The following TTC28 variants were observed in gnomAD, a reference collection of about 807,000 sequenced individuals.
The protein encoded by TTC28 is tetratricopeptide repeat domain 28.
In TTC28, 61 loss-of-function variants were observed where a neutral mutation model predicts 198.0. That is an observed-to-expected ratio of 0.31 (90% confidence interval 0.25 to 0.38). The LOEUF is 0.38. Ranked by LOEUF, TTC28 falls within the 10% of genes least tolerant of loss-of-function variation. The probability of loss-of-function intolerance (pLI) is 1.00; values close to 1 mark genes in which losing one functional copy is unlikely to be tolerated. For synonymous variants in TTC28, 1,171 were observed against 1,297.8 expected, an observed-to-expected ratio of 0.90 and a Z score of 2.10; for missense variants, 2,678 against 3,164.0, an observed-to-expected ratio of 0.85 and a Z score of 3.69.
intron 2 of TTC28, among the ~76,000 whole-genome samples, chr22:28,391,275 T>C (rs947986679): frequency 6.6e-5 from 10 of 152,192 alleles, no homozygotes; most frequent in Admixed American, 2.6e-4. Context: ...GTCCTTAACA[T>C]TTTTTCCTTC....
At chr22:28,115,876 G>A (rs1014009689) in intron 6 of TTC28, among the ~76,000 whole-genome samples, 1 of 152,092 alleles carries the variant, frequency 6.6e-6, no homozygotes, top group African/African-American at 2.4e-5. Context: ...CAACTCTGAG[G>A]AGCCTGCTAT....
chr22:28,072,131 G>C (rs1374377526), intron 12 of TTC28, among the ~76,000 whole-genome samples: 1 of 152,210 alleles, frequency 6.6e-6, no homozygotes, highest in Non-Finnish European at 1.5e-5. Context: ...ATAGGAAAAG[G>C]CTAGAGAAAT....
chr22:28,493,342 C>T (rs1195981079), intron 2 of TTC28, among the ~76,000 whole-genome samples: 2 of 151,884 alleles, frequency 1.3e-5, no homozygotes, highest in East Asian at 1.9e-4. Context: ...GGCGACAGAG[C>T]GAGACTGAGT....
intron 3 of TTC28, among the ~76,000 whole-genome samples, chr22:28,300,440 C>A (rs1485697949): frequency 6.6e-6 from 1 of 151,900 alleles, no homozygotes; most frequent in Non-Finnish European, 1.5e-5. Flanking sequence ...CACAGAAATA[C>A]GTGGAAGATT....
chr22:28,346,673 C>T (rs959500297), intron 2 of TTC28, among the ~76,000 whole-genome samples: 1 of 152,140 alleles, frequency 6.6e-6, no homozygotes. Flanking sequence ...CCTTGGTGTA[C>T]ATTTAATAGA....
At chr22:28,180,852 C>T (rs1252840346) in intron 5 of TTC28, among the ~76,000 whole-genome samples, 1 of 152,172 alleles carries the variant, frequency 6.6e-6, no homozygotes, top group Non-Finnish European at 1.5e-5. Context: ...CTTTAATGGT[C>T]TTAAATTATT....
chr22:28,108,004 G>A lies in TTC28; in HGVS notation c.1841C>T (p.Ala614Val). 7 of 1,551,554 alleles carry A rather than the reference G, an allele frequency of 4.5e-6. No individual in the cohort carries two copies. Among genetic ancestry groups the A allele is most frequent in the South Asian group, 1.2e-5 (1 of 84,052 alleles). The change falls in exon 7 of 23, where the codon GCC becomes GTC. Residue 614 changes from alanine (A) to valine (V), a missense_variant. Transcript: ENST00000397906. ...CCGGAGGTACTGTTCATAATAGGGG[G>A]CAGCCTGGACATACTCTCCCCGAGA... is the stretch of plus-strand genomic sequence containing the variant. ...HCSRGEYVQA[A>V]PYYEQYLRLA...
chr22:28,231,449 A>T (rs896683491), intron 5 of TTC28, among the ~76,000 whole-genome samples: 2 of 152,244 alleles, frequency 1.3e-5, no homozygotes, highest in African/African-American at 4.8e-5. Context: ...TTTTAAGTCC[A>T]AATCCCTGAA....
In TTC28 at chr22:27,980,917, C is replaced by A. The variant is rs938198915; in HGVS notation, c.*1304G>T. 1 of 152,250 alleles carries A rather than the reference C, an allele frequency of 6.6e-6. No homozygotes were observed. The highest frequency in any genetic ancestry group is 2.4e-5 in the African/African-American group (1 of 41,448). The allele number at this position is 152,250 out of a possible 1,614,324, so 9.4% of individuals were successfully genotyped here. ...TTTTTAAGATACATCTCTCTCTTCC[C>A]GGTTGGCCATAATCCAGGCATACGT... On this transcript the variant is annotated 3_prime_UTR_variant, in exon 23 of 23. Transcript: ENST00000397906.
intron 2 of TTC28, among the ~76,000 whole-genome samples, chr22:28,483,154 T>A (rs1461858027): frequency 1.3e-5 from 2 of 152,198 alleles, no homozygotes; most frequent in Admixed American, 1.3e-4. Flanking sequence ...CAAGCAAGCA[T>A]TTCTGAGCAC....
chr22:28,281,231 C>T (rs187536872), intron 5 of TTC28, among the ~76,000 whole-genome samples: 9 of 152,190 alleles, frequency 5.9e-5, no homozygotes, highest in African/African-American at 2.2e-4. Context: ...TATAATTATA[C>T]ATATGTAAGA....
intron 2 of TTC28, among the ~76,000 whole-genome samples, chr22:28,319,558 G>A (rs1482732126): frequency 6.6e-6 from 1 of 152,076 alleles, no homozygotes; most frequent in East Asian, 1.9e-4. Flanking sequence ...CAATAATGGG[G>A]GAGGTTATAC....
At chr22:28,673,715 T>C (rs2051927620) in intron 1 of TTC28, among the ~76,000 whole-genome samples, 1 of 152,246 alleles carries the variant, frequency 6.6e-6, no homozygotes. Flanking sequence ...GGTTAGTGTT[T>C]GTTTTTGGAA....
intron 2 of TTC28, among the ~76,000 whole-genome samples, chr22:28,593,046 T>A (rs1286917592): frequency 6.6e-6 from 1 of 151,950 alleles, no homozygotes; most frequent in Non-Finnish European, 1.5e-5. Flanking sequence ...TCTCTGAAGG[T>A]GGCTGGAGGC....
rs577725983 is a variant in TTC28 at position 28,643,569 on chromosome 22, G to A, written c.103-13739C>T. 3.3e-5 allele frequency among the ~76,000 whole-genome samples: 5 copies of A among 152,252 alleles called. No homozygotes were observed. The East Asian group carries it at 9.7e-4, about 29-fold the overall frequency. Reference sequence around the variant, plus strand: ...GTATTCCATGGTCAAACAATTTGGGGAAAATTAATGTAAATTATTTGGGAG... The same window carrying A: ...GTATTCCATGGTCAAACAATTTGGGAAAAATTAATGTAAATTATTTGGGAG... On this transcript the variant is annotated intron_variant, in intron 1 of 22. Coordinates refer to ENST00000397906, the MANE Select transcript of TTC28 (RefSeq NM_001145418.2).
intron 2 of TTC28, among the ~76,000 whole-genome samples, chr22:28,611,426 A>C (rs1019238598): frequency 6.6e-6 from 1 of 152,128 alleles, no homozygotes; most frequent in Non-Finnish European, 1.5e-5. Context: ...TTCTTAAAGA[A>C]AAGAATTTTC....
At chr22:28,401,144 AAGG>A (rs1306405220) in intron 2 of TTC28, among the ~76,000 whole-genome samples, 2 of 151,650 alleles carry the variant, frequency 1.3e-5, no homozygotes, top group Non-Finnish European at 2.9e-5. Flanking sequence ...TAAGAAGGAG[AAGG>A]AGGAGAAAGA....
intron 2 of TTC28, among the ~76,000 whole-genome samples, chr22:28,600,912 G>T (rs147126983): frequency 8.5e-5 from 13 of 152,204 alleles, no homozygotes; most frequent in African/African-American, 3.1e-4. Context: ...CTAGAAATCA[G>T]ATCACTGCTT....
chr22:28,059,505 G>T (rs910774537), intron 12 of TTC28, among the ~76,000 whole-genome samples: 2 of 151,920 alleles, frequency 1.3e-5, no homozygotes, highest in African/African-American at 4.8e-5. Context: ...TCTTCAGTTT[G>T]GGGATATGAT....
Sources: allele counts gnomAD v4.1 joint callset (sites outside exome capture counted in the v4.1 genomes callset), GRCh38; gene constraint gnomAD v4.1.1; transcripts MANE v1.5; gene names NCBI Gene and HGNC (gene_info 2026-07-23, HGNC 2026-07-21).